The following INIP variants were observed in gnomAD, a reference collection of about 807,000 sequenced individuals.
INIP encodes the protein INTS3 and NABP interacting protein, also known as SOSS complex subunit C.
INIP carries 9 observed loss-of-function variants against 14.0 expected under a neutral mutation model. The ratio of observed to expected loss-of-function variants is 0.64; its 90% confidence interval spans 0.39 to 1.12. The LOEUF (loss-of-function observed/expected upper bound fraction) is 1.12. Among genes scored for constraint, INIP ranks in the 50% most tolerant of loss-of-function variants. The pLI is 0.01. For synonymous variants in INIP, 37 were observed against 41.5 expected (o/e 0.89, Z 0.41); for missense variants, 78 against 122.7 (o/e 0.64, Z 1.72).
intron 2 of INIP, among the ~76,000 whole-genome samples, chr9:112,697,475 T>C (rs1394037082): frequency 1.3e-5 from 2 of 152,134 alleles, no homozygotes; most frequent in Non-Finnish European, 1.5e-5. Context: ...GCTAGCTACT[T>C]GGGAGGCTGA....
chr9:112,708,885 T>C (rs1838564313), intron 2 of INIP, among the ~76,000 whole-genome samples: 4 of 151,910 alleles, frequency 2.6e-5, no homozygotes, highest in Admixed American at 2.6e-4. Context: ...AAATGGATTC[T>C]AGGAAAGAAT....
At chr9:112,693,712 A>G (rs563261502) in intron 3 of INIP, among the ~76,000 whole-genome samples, 15 of 152,336 alleles carry the variant, frequency 9.8e-5, no homozygotes, top group Admixed American at 2.0e-4. Context: ...TGCAGTGTTA[A>G]AGAAAAAAAT....
In INIP at chr9:112,687,129, T is replaced by C. The variant is rs1837701087; in HGVS notation, c.*409A>G. Reference sequence around the variant, plus strand: ...AAACAGCAAATATGGATGCAATTGATTTAAGCCTATTAGTTCATTTTTTAA... The same window carrying C: ...AAACAGCAAATATGGATGCAATTGACTTAAGCCTATTAGTTCATTTTTTAA... On this transcript the variant is annotated 3_prime_UTR_variant, in exon 5 of 5. Coordinates refer to ENST00000374242, the MANE Select transcript of INIP (RefSeq NM_021218.3). 6.4e-6 allele frequency: 1 copy of C among 155,772 alleles called. No individual in the cohort carries two copies. The highest frequency in any genetic ancestry group is 2.4e-5 in the African/African-American group (1 of 41,592). 9.6% of individuals were successfully genotyped at this position (155,772 alleles called of 1,614,324 possible).
intron 2 of INIP, among the ~76,000 whole-genome samples, chr9:112,696,700 T>C (rs2131292772): frequency 6.6e-6 from 1 of 152,336 alleles, no homozygotes; most frequent in African/African-American, 2.4e-5. Flanking sequence ...GGGGCCCCCA[T>C]GACTCACTCC....
At chr9:112,711,059 G>A (rs746412029) in intron 2 of INIP, among the ~76,000 whole-genome samples, 2 of 151,652 alleles carry the variant, frequency 1.3e-5, no homozygotes, top group African/African-American at 2.4e-5. Flanking sequence ...GTGGTAGCAT[G>A]TGCCTATAGT....
intron 2 of INIP, among the ~76,000 whole-genome samples, chr9:112,713,946 T>C (rs1278899344): frequency 6.7e-6 from 1 of 150,326 alleles, no homozygotes; most frequent in Non-Finnish European, 1.5e-5. Context: ...ATCACGCTAT[T>C]GCACTCCAGC....
chr9:112,687,393 T>C lies in INIP; in HGVS notation c.*145A>G. On this transcript the variant is annotated 3_prime_UTR_variant, in exon 5 of 5. Transcript: ENST00000374242. ...CATCCTGGTTATTCTTCTTTCAGCT[T>C]TCACTTACACATTCCTTTCTTTCAG... 1.8e-6 allele frequency: 1 copy of C among 559,612 alleles called. No individual in the cohort carries two copies. The highest frequency in any genetic ancestry group is 3.3e-6 in the Non-Finnish European group (1 of 305,766). The allele number at this position is 559,612 out of a possible 1,614,324, so 34.7% of individuals were successfully genotyped here.
At chr9:112,692,470 A>C (rs897838572) in intron 3 of INIP, among the ~76,000 whole-genome samples, 2 of 152,006 alleles carry the variant, frequency 1.3e-5, no homozygotes, top group Non-Finnish European at 2.9e-5. Context: ...TTTTTTGTAG[A>C]GATGGGTCTT....
intron 2 of INIP, among the ~76,000 whole-genome samples, chr9:112,708,639 G>A (rs911178350): frequency 6.6e-6 from 1 of 152,034 alleles, no homozygotes; most frequent in Admixed American, 6.6e-5. Context: ...TTTTCTTATG[G>A]ATCTATAGGT....
Position 112,686,450 on chromosome 9 carries a change from C to G in INIP, c.*1088G>C, listed in dbSNP as rs1033005078. 1 of 152,122 alleles carries G rather than the reference C, an allele frequency of 6.6e-6. No homozygotes were observed. The highest frequency in any genetic ancestry group is 1.5e-5 in the Non-Finnish European group (1 of 68,036). The allele number at this position is 152,122 out of a possible 1,614,324, so 9.4% of individuals were successfully genotyped here. A position where few individuals can be genotyped will look rare whatever the true frequency, so the allele number is the denominator to read the frequency against. ...GGTCATGTTGAGAGACTTTCTTAAC[C>G]TAATCCCTTCCTACTTAATTAAAAA... On this transcript the variant is annotated 3_prime_UTR_variant, in exon 5 of 5. Coordinates refer to ENST00000374242, the MANE Select transcript of INIP (RefSeq NM_021218.3).
intron 3 of INIP, among the ~76,000 whole-genome samples, chr9:112,691,342 G>A (rs1837878256): frequency 6.6e-6 from 1 of 152,226 alleles, no homozygotes; most frequent in South Asian, 2.1e-4. Flanking sequence ...ACCATTTACT[G>A]AGACAGGATA....
intron 2 of INIP, among the ~76,000 whole-genome samples, chr9:112,695,811 A>AAGAAGAAGGAGAAGAAGG (rs1564227449): frequency 1.0e-5 from 1 of 95,806 alleles, no homozygotes; most frequent in East Asian, 3.8e-4. Context: ...GGAGGAGGAG[A>AAGAAGAAGGAGAAGAAGG]AGAAGAAGGA....
At chr9:112,707,861 G>A (rs1187387129) in intron 2 of INIP, among the ~76,000 whole-genome samples, 2 of 152,252 alleles carry the variant, frequency 1.3e-5, no homozygotes, top group East Asian at 1.9e-4. Context: ...CTAGAGCAAC[G>A]TCACTGTGGC....
At position 112,684,031 on chromosome 9, in the gene INIP, A is replaced by G. The variant is rs187740579; in HGVS notation, c.*3507T>C. 30 of 152,298 alleles carry G rather than the reference A, an allele frequency of 2.0e-4. No individual in the cohort carries two copies. The highest frequency in any genetic ancestry group is 6.7e-4 in the African/African-American group (28 of 41,526). 9.4% of individuals were successfully genotyped at this position (152,298 alleles called of 1,614,324 possible). A position where few individuals can be genotyped will look rare whatever the true frequency, so the allele number is the denominator to read the frequency against. On this transcript the variant is annotated 3_prime_UTR_variant, in exon 5 of 5. Coordinates refer to ENST00000374242, the MANE Select transcript of INIP (RefSeq NM_021218.3). The stretch of plus-strand genomic sequence containing the variant: ...CAAAACTTTTTTTGCCATAACTCAC[A>G]GTAAAAAAAAATACATTTTATATTG...
intron 3 of INIP, 67 bp downstream of exon 3, chr9:112,694,064 G>T: frequency 9.3e-7 from 1 of 1,075,528 alleles, no homozygotes; most frequent in Non-Finnish European, 1.4e-6. Flanking sequence ...GACAGGGCGA[G>T]ACTCCGTCTC....
intron 3 of INIP, among the ~76,000 whole-genome samples, chr9:112,691,001 T>C (rs181201297): frequency 6.6e-6 from 1 of 152,368 alleles, no homozygotes; most frequent in East Asian, 1.9e-4. Flanking sequence ...ATCTTCACAC[T>C]CTTGGTTAAC....
intron 4 of INIP, among the ~76,000 whole-genome samples, 178 bp from the exon 5 acceptor site, chr9:112,687,811 C>T (rs894952801): frequency 7.9e-5 from 12 of 152,034 alleles, no homozygotes; most frequent in South Asian, 2.1e-4. Context: ...CTTGGCTGGG[C>T]GCGGTGGCTC....
At position 112,707,178 on chromosome 9, in the gene INIP, A is replaced by C. The variant is rs376037280; in HGVS notation, c.25+9283T>G. Among the ~76,000 whole-genome samples, 10 of 150,176 alleles carry C rather than the reference A, an allele frequency of 6.7e-5. No individual in the cohort carries two copies. The East Asian group carries it at 2.0e-3, about 29-fold the overall frequency. ...GGTCTCGAACTCCCGACCTCAGGTG[A>C]TCCGCCCACTTTGGCCTCCCAAAGT... On this transcript the variant is annotated intron_variant, in intron 2 of 4. Transcript: ENST00000374242.
intron 2 of INIP, among the ~76,000 whole-genome samples, chr9:112,700,522 A>G (rs1013475054): frequency 7.9e-5 from 11 of 138,368 alleles, no homozygotes; most frequent in African/African-American, 3.2e-4. Flanking sequence ...TTAGGTATAT[A>G]TAATATATAT....
Sources: gnomAD v4.1 joint callset for allele counts (sites outside exome capture counted in the v4.1 genomes callset) on GRCh38, gnomAD v4.1.1 for gene constraint, MANE v1.5 for transcripts, NCBI Gene and HGNC (gene_info 2026-07-23, HGNC 2026-07-21) for gene names.